Variants in ENGASE observed in about 807,000 individuals in gnomAD.
ENGASE encodes the protein endo-beta-N-acetylglucosaminidase.
ENGASE carries 69 observed loss-of-function variants against 78.5 expected under a neutral mutation model. That is an observed-to-expected ratio of 0.88 (90% CI 0.72 to 1.07). The LOEUF is 1.07. ENGASE is among the 50% of genes least tolerant of loss of function. ENGASE has a pLI of 0.00. For synonymous variants in ENGASE, 408 were observed against 408.9 expected (o/e 1.00, Z 0.03); for missense variants, 943 against 988.4 (o/e 0.95, Z 0.62).
chr17:79,082,915 C>T (rs758056259), intron 7 of ENGASE, 105 bp from the exon 8 acceptor site: 6 of 1,572,676 alleles, frequency 3.8e-6, no homozygotes, highest in Non-Finnish European at 4.3e-6. Context: ...GCTTCCCCCT[C>T]CCGTTTCTGA....
In ENGASE at chr17:79,075,078, G is replaced by C. The variant is rs998317191; in HGVS notation, c.134G>C (p.Arg45Pro). The C allele has an allele frequency of 1.3e-4, 160 of 1,207,082 alleles. No homozygotes were observed. Among genetic ancestry groups the C allele is most frequent in the Non-Finnish European group, 1.6e-4 (155 of 970,852 alleles). The allele number at this position is 1,207,082 out of a possible 1,614,324, so 74.8% of individuals were successfully genotyped here. The change falls in exon 1 of 14, where the codon CGG (arginine) becomes CCG (proline). Residue 45 changes from arginine (R) to proline (P), a missense_variant. Arg to Pro is a moderately radical substitution (Grantham distance 103). Coordinates refer to ENST00000579016, the MANE Select transcript of ENGASE (RefSeq NM_001042573.3). Reference sequence around the variant, plus strand: ...CAGGAGCCGCGGCCGCGGCGGCGGCGGCCGGGAAGGAGGTGGGGCTGCGGG... The same window carrying C: ...CAGGAGCCGCGGCCGCGGCGGCGGCCGCCGGGAAGGAGGTGGGGCTGCGGG... The part of the protein sequence containing the change: ...EDQEPRPRRR[R>P]PGRSIKDEEE...
At position 79,083,231 on chromosome 17, in the gene ENGASE, G is replaced by A. The variant is rs2073195950; in HGVS notation, c.1142+108G>A. ...TCTTTAGTGACCCTTCCTATGGGGG[G>A]GTGGTTAAGGGAGGATGACAGGGGA... On this transcript the variant is annotated intron_variant, in intron 8 of 13. Coordinates refer to ENST00000579016, the MANE Select transcript of ENGASE (RefSeq NM_001042573.3). The surrounding 1 kb of genome is among the most constrained non-coding windows in gnomAD (Gnocchi z 4.9). 4 of 892,888 alleles carry A rather than the reference G, an allele frequency of 4.5e-6. No homozygotes were observed. Among genetic ancestry groups the A allele is most frequent in the Admixed American group, 4.8e-5 (2 of 42,092 alleles). The allele number at this position is 892,888 out of a possible 1,614,324, so 55.3% of individuals were successfully genotyped here.
Position 79,083,594 on chromosome 17 carries a change from G to T in ENGASE, c.1251+4G>T, listed in dbSNP as rs1299147358. 3.1e-6 allele frequency: 5 copies of T among 1,612,772 alleles called. No homozygotes were observed. The highest frequency in any genetic ancestry group is 4.2e-6 in the Non-Finnish European group (5 of 1,178,846). ...ACGGAGGGTCTGCTATGGCCAGGTG[G>T]GTGGGTGTCTTCCCTCCGTGTCTGT... On this transcript the variant is annotated splice_donor_region_variant and intron_variant, in intron 9 of 13. Coordinates refer to ENST00000579016, the MANE Select transcript of ENGASE (RefSeq NM_001042573.3). The surrounding 1 kb of genome is among the most constrained non-coding windows in gnomAD (Gnocchi z 4.9).
rs542461076 is a variant in ENGASE, at chr17:79,083,539, C to T, written c.1200C>T (p.Phe400=). The T allele has an allele frequency of 8.7e-6, 14 of 1,614,190 alleles. No individual in the cohort carries two copies. The highest frequency in any genetic ancestry group is 1.6e-4 in the Middle Eastern group (1 of 6,062). ...LPTHSICSLP[F]VTSFCLGMGA... ...CACATAGCATCTGCTCCTTGCCTTTCGTCACGTCCTTCTGCCTGGGCATGG... is the reference window on the plus strand; with the variant it reads ...CACATAGCATCTGCTCCTTGCCTTTTGTCACGTCCTTCTGCCTGGGCATGG... Residue 400 remains phenylalanine (F), a synonymous_variant, in exon 9 of 14, where the codon TTC becomes TTT. Coordinates refer to ENST00000579016, the MANE Select transcript of ENGASE (RefSeq NM_001042573.3). The surrounding 1 kb of genome is among the most constrained non-coding windows in gnomAD (Gnocchi z 4.9).
At position 79,086,431 on chromosome 17, in the gene ENGASE, G is replaced by C; in HGVS notation, c.*82G>C. ...TCTGCCCCTGGCCTGCGCTGGACCT[G>C]CTAAGTGCCCACAGTGGCAGCGAGG... is the stretch of plus-strand genomic sequence containing the variant. On this transcript the variant is annotated 3_prime_UTR_variant, in exon 14 of 14. Transcript: ENST00000579016. 1 of 1,479,460 alleles carries C rather than the reference G, an allele frequency of 6.8e-7. No individual in the cohort carries two copies. Among genetic ancestry groups the C allele is most frequent in the Non-Finnish European group, 9.0e-7 (1 of 1,110,464 alleles). The allele number at this position is 1,479,460 out of a possible 1,614,324, so 91.6% of individuals were successfully genotyped here.
At position 79,088,401 on chromosome 17, in the gene ENGASE, TCA is replaced by T. The variant is rs1191367330; in HGVS notation, c.*2055_*2056del. The T allele has an allele frequency of 6.6e-6, 1 of 152,216 alleles. No homozygotes were observed. Among genetic ancestry groups the T allele is most frequent in the Non-Finnish European group, 1.5e-5 (1 of 68,040 alleles). 9.4% of individuals were successfully genotyped at this position (152,216 alleles called of 1,614,324 possible). On this transcript the variant is annotated 3_prime_UTR_variant, in exon 14 of 14. Coordinates refer to ENST00000579016, the MANE Select transcript of ENGASE (RefSeq NM_001042573.3). ...AAAATTTATAGTGGCAATTATTTTC[TCA>T]CAGTCTGGTGAGCAGGCAATTAATT...
At position 79,087,033 on chromosome 17, in the gene ENGASE, G is replaced by T; in HGVS notation, c.*684G>T. On this transcript the variant is annotated 3_prime_UTR_variant, in exon 14 of 14. Transcript: ENST00000579016. Reference sequence around the variant, plus strand: ...TGCTGAGTGTGAGGTCATCTCCGGAGCGTTTTCAGCAGCCCCTGGCTCTGC... The same window carrying T: ...TGCTGAGTGTGAGGTCATCTCCGGATCGTTTTCAGCAGCCCCTGGCTCTGC... 2.0e-6 allele frequency: 1 copy of T among 493,022 alleles called. No individual in the cohort carries two copies. The highest frequency in any genetic ancestry group is 4.0e-6 in the Non-Finnish European group (1 of 247,162). 30.5% of individuals were successfully genotyped at this position (493,022 alleles called of 1,614,324 possible). A position where few individuals can be genotyped will look rare whatever the true frequency, so the allele number is the denominator to read the frequency against.
At position 79,088,166 on chromosome 17, in the gene ENGASE, G is replaced by A. The variant is rs572122678; in HGVS notation, c.*1817G>A. 50 of 140,908 alleles carry A rather than the reference G, an allele frequency of 3.5e-4. No individual in the cohort carries two copies. The highest frequency in any genetic ancestry group is 1.2e-3 in the African/African-American group (47 of 40,672). The allele number at this position is 140,908 out of a possible 1,614,324, so 8.7% of individuals were successfully genotyped here. On this transcript the variant is annotated 3_prime_UTR_variant, in exon 14 of 14. Coordinates refer to ENST00000579016, the MANE Select transcript of ENGASE (RefSeq NM_001042573.3). Reference sequence around the variant, plus strand: ...GGCTGCCGCATGTAGCCACTCACTCGACTTTTTTTCAGCTGTGACCATTCC... The same window carrying A: ...GGCTGCCGCATGTAGCCACTCACTCAACTTTTTTTCAGCTGTGACCATTCC...
intron 10 of ENGASE, chr17:79,084,275 T>G (rs1242737280): frequency 6.9e-6 from 2 of 291,236 alleles, no homozygotes; most frequent in African/African-American, 5.2e-5. Context: ...CCCTTTACTC[T>G]GCATCTGTGA....
At chr17:79,084,733 C>T in intron 11 of ENGASE, 47 bp downstream of exon 11, 1 of 1,597,988 alleles carries the variant, frequency 6.3e-7, no homozygotes, top group Non-Finnish European at 8.5e-7. Context: ...GCGGAGAGCT[C>T]AGGGAAGAGA....
intron 7 of ENGASE, chr17:79,082,670 A>G (rs2073176049): frequency 2.3e-6 from 3 of 1,313,848 alleles, no homozygotes; most frequent in Non-Finnish European, 3.0e-6. Context: ...AAATGAGTAA[A>G]TTAATCCAAT....
In ENGASE at chr17:79,085,348, T is replaced by A; in HGVS notation, c.1700+6T>A. ...AGTGGGGGCTGGGTCCAGCAGTAAG[T>A]CCCTCTGCTTCTTCACGTCCTTCTC... On this transcript the variant is annotated splice_donor_region_variant and intron_variant, in intron 12 of 13. Coordinates refer to ENST00000579016, the MANE Select transcript of ENGASE (RefSeq NM_001042573.3). 6.3e-7 allele frequency: 1 copy of A among 1,594,666 alleles called. No individual in the cohort carries two copies. Among genetic ancestry groups the A allele is most frequent in the Non-Finnish European group, 8.6e-7 (1 of 1,168,192 alleles).
intron 1 of ENGASE, among the ~76,000 whole-genome samples, chr17:79,076,682 G>A (rs1292295599): frequency 6.6e-6 from 1 of 152,194 alleles, no homozygotes; most frequent in Non-Finnish European, 1.5e-5. Context: ...CATGAACAGC[G>A]CGGAAGGCAC....
In ENGASE at chr17:79,080,194, C is replaced by A; in HGVS notation, c.566-13C>A. 1 of 1,581,332 alleles carries A rather than the reference C, an allele frequency of 6.3e-7. No homozygotes were observed. The highest frequency in any genetic ancestry group is 8.6e-7 in the Non-Finnish European group (1 of 1,162,844). ...TTCCCGTGGCTGACCTTGTTTCTCT[C>A]CTATCCTCACAGGGACTTTCATCAC... On this transcript the variant is annotated splice_polypyrimidine_tract_variant and intron_variant, in intron 4 of 13. Transcript: ENST00000579016.
Position 79,080,905 on chromosome 17 carries a change from A to G in ENGASE, c.724-20A>G, listed in dbSNP as rs745377954. 42 of 1,604,014 alleles carry G rather than the reference A, an allele frequency of 2.6e-5. No homozygotes were observed. The South Asian group carries it at 4.1e-4, about 16-fold the overall frequency. On this transcript the variant is annotated intron_variant, in intron 5 of 13. Transcript: ENST00000579016. ...AGATCTGGGGCTCACTGAGGCTCTC[A>G]CCTTGTTCTTCTCTTTCAGCTGGCC...
chr17:79,087,305 C>T lies in ENGASE; in HGVS notation c.*956C>T, dbSNP rs1382036971. ...TCTGTTCCTTCACGTCCTCCCTTCT[C>T]AGCCTCGTCCAAGCACCGGGAAGAC... On this transcript the variant is annotated 3_prime_UTR_variant, in exon 14 of 14. Transcript: ENST00000579016. 2.1e-5 allele frequency: 7 copies of T among 332,758 alleles called. No individual in the cohort carries two copies. In the East Asian group the frequency reaches 5.3e-4, roughly 25 times the overall value. The allele number at this position is 332,758 out of a possible 1,614,324, so 20.6% of individuals were successfully genotyped here.
rs746766020 is a variant in ENGASE, at chr17:79,086,244, G to A, written c.2127G>A (p.Gln709=). The change falls in exon 14 of 14, where the codon CAG becomes CAA. Residue 709 remains glutamine, a synonymous_variant. Coordinates refer to ENST00000579016, the MANE Select transcript of ENGASE (RefSeq NM_001042573.3). ...TGGTGGAAGCCGCCGGGCCCGGCCA[G>A]GATCGTCGCATGGAATTTCTGGTGG... The part of the protein sequence containing the change: ...DLLVEAAGPG[Q]DRRMEFLVEP... 1.2e-6 allele frequency: 2 copies of A among 1,613,572 alleles called. No individual in the cohort carries two copies. Among genetic ancestry groups the A allele is most frequent in the Admixed American group, 3.3e-5 (2 of 60,028 alleles).
intron 1 of ENGASE, 100 bp downstream of exon 1, chr17:79,075,190 G>T (rs2072938667): frequency 8.6e-7 from 1 of 1,164,770 alleles, no homozygotes; most frequent in Middle Eastern, 3.5e-4. Flanking sequence ...AGGGGCGGGG[G>T]GCCGGCGCCT....
chr17:79,079,727 G>A, intron 4 of ENGASE, 90 bp downstream of exon 4: 1 of 1,509,712 alleles, frequency 6.6e-7, no homozygotes. Flanking sequence ...GGCTTTGCCT[G>A]CTTCTCAGTG....
Sources: allele counts gnomAD v4.1 joint callset (sites outside exome capture counted in the v4.1 genomes callset), GRCh38; gene constraint gnomAD v4.1.1; non-coding constraint Gnocchi (gnomAD v3.1); transcripts MANE v1.5; gene names NCBI Gene and HGNC (gene_info 2026-07-23, HGNC 2026-07-21).